The following AIFM1 variants were observed in gnomAD, a reference collection of about 807,000 sequenced individuals.
The protein encoded by AIFM1 is apoptosis-inducing factor 1, mitochondrial.
A neutral mutation model predicts 51.7 loss-of-function variants in AIFM1; 3 were observed. The ratio of observed to expected loss-of-function variants is 0.06; its 90% CI spans 0.03 to 0.15. The LOEUF (loss-of-function observed/expected upper bound fraction) is 0.15. Ranked by LOEUF, AIFM1 falls within the 10% of genes least tolerant of loss-of-function variation. The pLI, the probability that AIFM1 is intolerant of heterozygous loss-of-function variation, is 1.00. For synonymous variants in AIFM1, 178 were observed against 179.4 expected, an observed-to-expected ratio of 0.99 and a Z score of 0.06; for missense variants, 330 against 476.8, an observed-to-expected ratio of 0.69 and a Z score of 2.87.
chrX:130,160,514 T>C (rs1176662684), intron 1 of AIFM1, among the ~76,000 whole-genome samples: 1 of 112,403 alleles, frequency 8.9e-6, no homozygotes, highest in Non-Finnish European at 1.9e-5. Context: ...TAAATATTTG[T>C]TGAATTAATG....
chrX:130,144,237 T>G (rs928624508), intron 6 of AIFM1, among the ~76,000 whole-genome samples: 1 of 111,403 alleles, frequency 9.0e-6, no homozygotes, highest in African/African-American at 3.3e-5. Flanking sequence ...CTTGCCTAGA[T>G]TATTGCAATA....
At chrX:130,137,013 C>T (rs947890614) in intron 10 of AIFM1, 65 bp downstream of exon 10, 10 of 1,209,865 alleles carry the variant, frequency 8.3e-6, no homozygotes, top group South Asian at 7.0e-5. Flanking sequence ...CCTATAGAAG[C>T]GAAGTTTGCC....
chrX:130,158,547 TTGCTGCTGC>T (rs930558724), intron 1 of AIFM1, among the ~76,000 whole-genome samples: 2 of 110,354 alleles, frequency 1.8e-5, no homozygotes, highest in South Asian at 7.8e-4. Flanking sequence ...GATGCTGCTG[TTGCTGCTGC>T]TGCTGTTAGG....
At chrX:130,142,510 T>G (rs1358752156) in intron 6 of AIFM1, among the ~76,000 whole-genome samples, 4 of 112,016 alleles carry the variant, frequency 3.6e-5, no homozygotes, top group Non-Finnish European at 7.5e-5. Context: ...ATTAACATGC[T>G]TGTCCCATCC....
At chrX:130,129,854 C>G in intron 15 of AIFM1, 116 bp downstream of exon 15, 1 of 956,279 alleles carries the variant, frequency 1.0e-6, no homozygotes, top group Non-Finnish European at 1.5e-6. Flanking sequence ...TTGTTCTGCT[C>G]AGGCACAATT....
At chrX:130,131,853 A>G in intron 13 of AIFM1, 54 bp from the exon 14 acceptor site, 2 of 1,190,431 alleles carry the variant, frequency 1.7e-6, no homozygotes, top group East Asian at 3.0e-5. Context: ...ATGACACGGT[A>G]GCACATATTC....
At chrX:130,160,920 T>TAAAAC (rs2031326250) in intron 1 of AIFM1, among the ~76,000 whole-genome samples, 1 of 106,058 alleles carries the variant, frequency 9.4e-6, no homozygotes, top group Non-Finnish European at 1.9e-5. Flanking sequence ...ATAAATAAAA[T>TAAAAC]GAAAAAATAA....
intron 1 of AIFM1, among the ~76,000 whole-genome samples, chrX:130,163,516 C>T: frequency 9.0e-6 from 1 of 111,302 alleles, no homozygotes; most frequent in Middle Eastern, 4.6e-3. Context: ...TTTAACACTA[C>T]CCTCACCCAT....
Position 130,137,175 on chromosome X carries a change from C to G in AIFM1, c.978G>C (p.Leu326Phe). Residue 326 changes from leucine to phenylalanine, a missense_variant, in exon 10 of 16, where the codon TTG becomes TTC. This residue lies in a region of AIFM1 where 152 missense variants were observed against 292.8 expected (regional missense o/e 0.52). Coordinates refer to ENST00000287295, the MANE Select transcript of AIFM1 (RefSeq NM_004208.4). The part of the protein sequence containing the change: ...ACALGRKARA[L>F]GTEVIQLFPE... ...GGAAGAGTTGAATCACTTCTGTGCC[C>G]AAGGCTCGAGCTGGGAAGAAGAAAC... The G allele has an allele frequency of 8.3e-7, 1 of 1,211,172 alleles. No individual in the cohort carries two copies. Among genetic ancestry groups the G allele is most frequent in the South Asian group, 1.8e-5 (1 of 56,951 alleles).
At chrX:130,134,717 AG>A (rs762103754) in intron 12 of AIFM1, among the ~76,000 whole-genome samples, 47 of 111,295 alleles carry the variant, frequency 4.2e-4, no homozygotes, top group African/African-American at 1.2e-3. Flanking sequence ...AGCTTCATGA[AG>A]GATGTGGCAT....
chrX:130,164,097 G>A (rs1433850889), intron 1 of AIFM1, among the ~76,000 whole-genome samples: 1 of 107,605 alleles, frequency 9.3e-6, no homozygotes, highest in Non-Finnish European at 1.9e-5. Context: ...GAATCCGGGA[G>A]GCGGAGATTG....
chrX:130,165,744 C>G lies in AIFM1; in HGVS notation c.-88G>C. 1.3e-6 allele frequency: 1 copy of G among 781,741 alleles called. No homozygotes were observed. Among genetic ancestry groups the G allele is most frequent in the Non-Finnish European group, 1.9e-6 (1 of 520,484 alleles). 64.4% of individuals were successfully genotyped at this position (781,741 alleles called of 1,213,427 possible). A position where few individuals can be genotyped will look rare whatever the true frequency, so the allele number is the denominator to read the frequency against. ...AACACCGTGAGCCCCGGCCAGCTCC[C>G]CCAGTCTCTTCACACGCACATTACG... On this transcript the variant is annotated 5_prime_UTR_variant, in exon 1 of 16. Transcript: ENST00000287295.
chrX:130,159,887 C>T (rs2031294046), intron 1 of AIFM1, among the ~76,000 whole-genome samples: 1 of 108,540 alleles, frequency 9.2e-6, no homozygotes, highest in Non-Finnish European at 1.9e-5. Context: ...GTGGCACAAT[C>T]TCGGCTCACT....
At chrX:130,164,587 C>A (rs1739056052) in intron 1 of AIFM1, among the ~76,000 whole-genome samples, 1 of 111,773 alleles carries the variant, frequency 8.9e-6, no homozygotes, top group African/African-American at 3.3e-5. Context: ...TCATTCATTG[C>A]CCCCATGAAG....
chrX:130,149,797 T>C (rs781258792), intron 2 of AIFM1, among the ~76,000 whole-genome samples: 2 of 112,189 alleles, frequency 1.8e-5, no homozygotes, highest in African/African-American at 6.5e-5. Flanking sequence ...CAGTTTCAGA[T>C]TTTTAGGCTC....
intron 1 of AIFM1, among the ~76,000 whole-genome samples, chrX:130,159,189 A>C (rs2031269451): frequency 8.9e-6 from 1 of 112,048 alleles, no homozygotes; most frequent in Non-Finnish European, 1.9e-5. Flanking sequence ...TTTTACTGGC[A>C]AATGAGTTAT....
At chrX:130,139,894 C>G (rs759985963) in intron 7 of AIFM1, 23 bp from the exon 8 acceptor site, 1 of 1,177,632 alleles carries the variant, frequency 8.5e-7, no homozygotes, top group Non-Finnish European at 1.2e-6. Context: ...GAAGGAAAAC[C>G]CTTTAGCCCA....
At position 130,138,690 on chromosome X, in the gene AIFM1, A is replaced by G. The variant is rs1603224254; in HGVS notation, c.870T>C (p.Phe290=). 1 of 1,193,989 alleles carries G rather than the reference A, an allele frequency of 8.4e-7. No individual in the cohort carries two copies. The change falls in exon 9 of 16, where the codon TTT becomes TTC. Residue 290 remains phenylalanine, a synonymous_variant. Coordinates refer to ENST00000287295, the MANE Select transcript of AIFM1 (RefSeq NM_004208.4). The part of the protein sequence containing the change: ...RTTLFRKIGD[F]RSLEKISREV... ...CCCGTGAAATCTTCTCCAAGCTTCT[A>G]AAGTCTCCAATCTGCAGGATCACAT...
intron 2 of AIFM1, among the ~76,000 whole-genome samples, chrX:130,150,977 C>CAAAAAAAAAAAAAAAAAAAAAAA (rs759870161): frequency 7.2e-5 from 2 of 27,801 alleles, no homozygotes; most frequent in African/African-American, 1.8e-4. Flanking sequence ...GACTCTGTCT[C>CAAAAAAAAAAAAAAAAAAAAAAA]AAAAAAAAAA....
Sources: allele counts gnomAD v4.1 joint callset (sites outside exome capture counted in the v4.1 genomes callset), GRCh38; gene constraint gnomAD v4.1.1; regional missense constraint gnomAD v4.1.1; transcripts MANE v1.5; gene names NCBI Gene and HGNC (gene_info 2026-07-23, HGNC 2026-07-21).